Variants in NCOA6 observed in about 807,000 individuals in gnomAD.
The protein encoded by NCOA6 is nuclear receptor coactivator 6, also known as NRC RAP250.
Under a neutral mutation model 171.4 loss-of-function variants are expected in NCOA6, and 49 were observed. The observed-to-expected ratio is 0.29, with a 90% CI of 0.23 to 0.36. NCOA6 has a LOEUF of 0.36. Ranked by LOEUF, NCOA6 falls within the 10% of genes least tolerant of loss-of-function variation. NCOA6 has a pLI of 1.00. For missense variants in NCOA6, 2,248 were observed against 2,554.5 expected, an observed-to-expected ratio of 0.88 and a Z score of 2.59; for synonymous variants, 910 against 927.5, an observed-to-expected ratio of 0.98 and a Z score of 0.34.
In NCOA6 at chr20:34,732,778, A is replaced by C; in HGVS notation, c.5963-183T>G. The C allele has an allele frequency of 9.6e-6, 5 of 518,542 alleles. No individual in the cohort carries two copies. In the South Asian group the frequency reaches 1.4e-4, roughly 15 times the overall value. The allele number at this position is 518,542 out of a possible 1,614,324, so 32.1% of individuals were successfully genotyped here. On this transcript the variant is annotated intron_variant, in intron 12 of 14. Transcript: ENST00000359003. Reference sequence around the variant, plus strand: ...TACAACTTGGTTTGTTTGGGACATAAGACACTTGGTCTATTTTTATTTCTA... The same window carrying C: ...TACAACTTGGTTTGTTTGGGACATACGACACTTGGTCTATTTTTATTTCTA...
At chr20:34,732,704 C>T (rs757014688) in intron 12 of NCOA6, 109 bp from the exon 13 acceptor site, 58 of 880,408 alleles carry the variant, frequency 6.6e-5, no homozygotes, top group Non-Finnish European at 1.0e-4. Context: ...TGTCCCTGTG[C>T]CCAGCAGGAT....
chr20:34,718,574 G>C (rs986773058), intron 14 of NCOA6, among the ~76,000 whole-genome samples: 7 of 150,946 alleles, frequency 4.6e-5, no homozygotes, highest in Non-Finnish European at 8.8e-5. Context: ...GGTGCGATCT[G>C]AACTCACTGC....
intron 1 of NCOA6, among the ~76,000 whole-genome samples, chr20:34,805,417 T>C (rs2078414649): frequency 1.3e-5 from 2 of 152,228 alleles, no homozygotes; most frequent in African/African-American, 2.4e-5. Context: ...TTTATCTTTC[T>C]GTGCCTGGCT....
chr20:34,738,808 T>TA, intron 11 of NCOA6: 1 of 451,412 alleles, frequency 2.2e-6, no homozygotes, highest in South Asian at 1.6e-5. Flanking sequence ...TTAAGGAACG[T>TA]ATCAACTGTA....
intron 1 of NCOA6, among the ~76,000 whole-genome samples, chr20:34,797,976 A>G (rs143660072): frequency 6.7e-4 from 102 of 152,252 alleles, no homozygotes; most frequent in African/African-American, 2.2e-3. Flanking sequence ...GGGGTCCCCA[A>G]TTCCAGGCCT....
At chr20:34,775,488 C>T (rs1328543225) in intron 4 of NCOA6, among the ~76,000 whole-genome samples, 2 of 151,774 alleles carry the variant, frequency 1.3e-5, no homozygotes, top group Non-Finnish European at 2.9e-5. Context: ...AGTTTGAGAC[C>T]AGCCTGGCCA....
intron 14 of NCOA6, among the ~76,000 whole-genome samples, chr20:34,721,040 C>T (rs1989245673): frequency 6.6e-6 from 1 of 152,128 alleles, no homozygotes. Context: ...TCCTGGCTCA[C>T]AGCTCCTATA....
In NCOA6 at chr20:34,741,012, A is replaced by G; in HGVS notation, c.5244T>C (p.Cys1748=). Residue 1748 remains cysteine (C), a synonymous_variant, in exon 11 of 15, where the codon TGT becomes TGC. Transcript: ENST00000359003. The part of the protein sequence containing the change: ...ATPVQLPSPP[C]TSSPVVPSHP... ...GAGAAGGGACAACTGGAGAAGACGT[A>G]CAAGGAGGGGAAGGAAGCTGAACAG... 6.2e-7 allele frequency: 1 copy of G among 1,614,228 alleles called. No homozygotes were observed. Among genetic ancestry groups the G allele is most frequent in the African/African-American group, 1.3e-5 (1 of 75,070 alleles).
In NCOA6 at chr20:34,736,720, T is replaced by A; in HGVS notation, c.5932A>T (p.Thr1978Ser). The A allele has an allele frequency of 3.7e-6, 6 of 1,611,614 alleles. No individual in the cohort carries two copies. Among genetic ancestry groups the A allele is most frequent in the Non-Finnish European group, 5.1e-6 (6 of 1,178,654 alleles). Residue 1978 changes from threonine to serine, a missense_variant, in exon 12 of 15, where the codon ACA (threonine) becomes TCA (serine). By Grantham distance (58) the Thr-to-Ser change is moderately conservative. This residue lies in a region of NCOA6 where 884 missense variants were observed against 941.9 expected (regional missense o/e 0.94). Transcript: ENST00000359003. ...CTGGCAACAGAGGCCTGCAGTGCTG[T>A]GGTTGAAGTTTCCTTTGAGACTAAA... ...QNLVSKETST[T>S]ALQASVARPE...
At chr20:34,787,592 T>C (rs546502836) in intron 2 of NCOA6, among the ~76,000 whole-genome samples, 6 of 152,028 alleles carry the variant, frequency 3.9e-5, no homozygotes, top group Non-Finnish European at 8.8e-5. Context: ...GGAAACAAGT[T>C]ATTGAGGAAA....
rs1363770772 is a variant in NCOA6 at position 34,784,015 on chromosome 20, TTATAAC to T, written c.-49-1617_-49-1612del. 6.3e-4 allele frequency among the ~76,000 whole-genome samples: 96 copies of T among 152,272 alleles called. 1 individual carries two copies. Among genetic ancestry groups the T allele is most frequent in the African/African-American group, 2.2e-3 (91 of 41,550 alleles). On this transcript the variant is annotated intron_variant, in intron 2 of 14. Coordinates refer to ENST00000359003, the MANE Select transcript of NCOA6 (RefSeq NM_014071.5). ...AGTATTACGAATTATTACTTTATAC[TTATAAC>T]TATAATTACAAGTTTCTTAAAAAAA...
intron 1 of NCOA6, among the ~76,000 whole-genome samples, chr20:34,811,343 A>T (rs1417730230): frequency 6.6e-6 from 1 of 151,308 alleles, no homozygotes; most frequent in African/African-American, 2.4e-5. Flanking sequence ...TCATAAATAC[A>T]AGCATATTCT....
At chr20:34,732,507 CAA>C in intron 13 of NCOA6, 50 bp downstream of exon 13, 1 of 1,565,702 alleles carries the variant, frequency 6.4e-7, no homozygotes, top group South Asian at 1.1e-5. Context: ...TGATACCTTT[CAA>C]AGAGGCTTAT....
chr20:34,788,996 T>C (rs2077777720), intron 2 of NCOA6, among the ~76,000 whole-genome samples: 4 of 152,218 alleles, frequency 2.6e-5, no homozygotes, highest in Non-Finnish European at 5.9e-5. Context: ...TTTGCCTTGG[T>C]GTGCCAATGA....
intron 12 of NCOA6, among the ~76,000 whole-genome samples, chr20:34,735,899 G>GT (rs766435323): frequency 1.3e-5 from 2 of 151,238 alleles, no homozygotes; most frequent in Non-Finnish European, 2.9e-5. Context: ...TGTGTGAATT[G>GT]TAGTTTCAAT....
At chr20:34,809,229 A>C (rs1195225269) in intron 1 of NCOA6, among the ~76,000 whole-genome samples, 2 of 152,236 alleles carry the variant, frequency 1.3e-5, no homozygotes, top group Non-Finnish European at 2.9e-5. Flanking sequence ...ATAACTAATA[A>C]GACATGACTT....
intron 1 of NCOA6, among the ~76,000 whole-genome samples, chr20:34,823,808 T>A (rs2079077216): frequency 6.6e-6 from 1 of 152,064 alleles, no homozygotes; most frequent in Non-Finnish European, 1.5e-5. Flanking sequence ...GCTCAAGCGA[T>A]CCTCCCACCT....
chr20:34,768,105 G>A (rs986710071), intron 5 of NCOA6, among the ~76,000 whole-genome samples: 1 of 152,194 alleles, frequency 6.6e-6, no homozygotes, highest in Non-Finnish European at 1.5e-5. Context: ...CTGCCTCAGA[G>A]AAAGTGGGAG....
At chr20:34,717,479 C>T (rs902226477) in intron 14 of NCOA6, among the ~76,000 whole-genome samples, 20 of 151,988 alleles carry the variant, frequency 1.3e-4, no homozygotes, top group African/African-American at 2.4e-4. Flanking sequence ...AAAAGAAGTG[C>T]GGTCTAGATG....
Sources: allele counts gnomAD v4.1 joint callset (sites outside exome capture counted in the v4.1 genomes callset), GRCh38; gene constraint gnomAD v4.1.1; regional missense constraint gnomAD v4.1.1; transcripts MANE v1.5; gene names NCBI Gene and HGNC (gene_info 2026-07-23, HGNC 2026-07-21).